Variants in USP34 observed in about 807,000 individuals in gnomAD.
USP34 encodes the protein ubiquitin specific peptidase 34, also known as ubiquitin carboxyl-terminal hydrolase 34.
In USP34, 70 loss-of-function variants were observed where a neutral mutation model predicts 460.3. That is an observed-to-expected ratio of 0.15 (90% CI 0.13 to 0.19). The LOEUF (loss-of-function observed/expected upper bound fraction) is 0.19, where lower values mean the gene tolerates loss of function less well. USP34 is among the 10% of genes least tolerant of loss of function. USP34 has a pLI of 1.00. For missense variants in USP34, 3,985 were observed against 4,236.2 expected (o/e 0.94, Z 1.65); for synonymous variants, 1,647 against 1,405.3 (o/e 1.17, Z -3.85).
intron 65 of USP34, among the ~76,000 whole-genome samples, chr2:61,222,196 G>A (rs1687606919): frequency 6.6e-6 from 1 of 152,188 alleles, no homozygotes; most frequent in South Asian, 2.1e-4. Flanking sequence ...GTAATTTATA[G>A]TAATGTTTGA....
intron 1 of USP34, among the ~76,000 whole-genome samples, chr2:61,430,321 T>C (rs1233260910): frequency 1.3e-5 from 2 of 151,772 alleles, no homozygotes; most frequent in Admixed American, 1.3e-4. Context: ...GGAGAATCAC[T>C]TGAACCCAGG....
chr2:61,256,189 A>C (rs763846053), intron 48 of USP34, among the ~76,000 whole-genome samples, 195 bp downstream of exon 48: 4 of 152,216 alleles, frequency 2.6e-5, no homozygotes, highest in Non-Finnish European at 5.9e-5. Context: ...CCACTTTCAT[A>C]CAGCTCAGTA....
At position 61,311,768 on chromosome 2, in the gene USP34, A is replaced by C. The variant is rs1433346295; in HGVS notation, c.3669+16T>G. On this transcript the variant is annotated intron_variant, in intron 26 of 79. Transcript: ENST00000398571. ...GGGAAATGTTATCAACTTCGAAATT[A>C]AAACTATGTAAGTACCTTGTCAGGA... The C allele has an allele frequency of 6.2e-7, 1 of 1,611,058 alleles. No individual in the cohort carries two copies. The highest frequency in any genetic ancestry group is 8.5e-7 in the Non-Finnish European group (1 of 1,179,152).
At chr2:61,380,697 C>T (rs1189357224) in intron 6 of USP34, among the ~76,000 whole-genome samples, 1 of 152,166 alleles carries the variant, frequency 6.6e-6, no homozygotes, top group Non-Finnish European at 1.5e-5. Flanking sequence ...TGGGCCTTGC[C>T]ATGTAACTTG....
intron 61 of USP34, 93 bp from the exon 62 acceptor site, chr2:61,227,311 G>A: frequency 1.4e-6 from 2 of 1,399,990 alleles, no homozygotes; most frequent in Non-Finnish European, 1.9e-6. Flanking sequence ...TGTAGATGGT[G>A]GCAGGAGCTT....
chr2:61,228,565 T>C, intron 61 of USP34, 80 bp downstream of exon 61: 1 of 1,318,312 alleles, frequency 7.6e-7, no homozygotes, highest in Non-Finnish European at 1.1e-6. Flanking sequence ...TAAAGGGTTC[T>C]AACATCTCAG....
rs746117870 is a variant in USP34, at chr2:61,420,821, T to C, written c.56A>G (p.Glu19Gly). The change falls in exon 2 of 80, where the codon GAA (glutamate) becomes GGA (glycine). Residue 19 changes from glutamate (E) to glycine (G), a missense_variant. Coordinates refer to ENST00000398571, the MANE Select transcript of USP34 (RefSeq NM_014709.4). ...VEVLNEISDV[E>G]GGDGLQLRKE... ...TCTGAGCTGCAGTCCATCACCACCT[T>C]CTACATCTGATACTGAAATAAAAAA... is the stretch of plus-strand genomic sequence containing the variant. 76 of 1,607,884 alleles carry C rather than the reference T, an allele frequency of 4.7e-5. No individual in the cohort carries two copies. Among genetic ancestry groups the C allele is most frequent in the Non-Finnish European group, 5.4e-5 (64 of 1,177,354 alleles).
Position 61,405,650 on chromosome 2 carries a change from C to G in USP34, c.552+58G>C. The G allele has an allele frequency of 2.8e-6, 4 of 1,417,630 alleles. No individual in the cohort carries two copies. In the African/African-American group the frequency reaches 4.3e-5, roughly 15 times the overall value. The allele number at this position is 1,417,630 out of a possible 1,614,324, so 87.8% of individuals were successfully genotyped here. A position where few individuals can be genotyped will look rare whatever the true frequency, so the allele number is the denominator to read the frequency against. ...TGTCTTCATATTTATCAGTAAGAAACAGACTGCGAAGTTAAGACTTGGTAT... is the reference window on the plus strand; with the variant it reads ...TGTCTTCATATTTATCAGTAAGAAAGAGACTGCGAAGTTAAGACTTGGTAT... On this transcript the variant is annotated intron_variant, in intron 3 of 79. Transcript: ENST00000398571.
chr2:61,390,975 G>T (rs751570607), intron 5 of USP34, among the ~76,000 whole-genome samples: 1 of 151,900 alleles, frequency 6.6e-6, no homozygotes, highest in Non-Finnish European at 1.5e-5. Context: ...CGTGCCTGTA[G>T]TCCCAGCTAC....
At chr2:61,248,428 TTGA>T in intron 49 of USP34, 80 bp downstream of exon 49, 1 of 1,401,368 alleles carries the variant, frequency 7.1e-7, no homozygotes, top group Non-Finnish European at 9.6e-7. Flanking sequence ...AACTGTGTAG[TTGA>T]TGACAACTTT....
At chr2:61,307,298 C>T (rs1690441317) in intron 27 of USP34, among the ~76,000 whole-genome samples, 1 of 129,108 alleles carries the variant, frequency 7.7e-6, no homozygotes, top group Non-Finnish European at 1.5e-5. Flanking sequence ...GGGAACATCA[C>T]ACACCGGGGC....
chr2:61,401,506 G>C (rs1693717474), intron 3 of USP34, among the ~76,000 whole-genome samples: 1 of 149,762 alleles, frequency 6.7e-6, no homozygotes, highest in Admixed American at 6.7e-5. Context: ...CAAAAATGCT[G>C]GGATTACAGG....
At chr2:61,282,328 G>A (rs893121927) in intron 37 of USP34, among the ~76,000 whole-genome samples, 1 of 152,158 alleles carries the variant, frequency 6.6e-6, no homozygotes, top group Non-Finnish European at 1.5e-5. Flanking sequence ...AGTGACTTTG[G>A]AGCTAAATAT....
chr2:61,266,172 G>A lies in USP34; in HGVS notation c.5434-5C>T. 1.2e-6 allele frequency: 2 copies of A among 1,601,214 alleles called. No homozygotes were observed. Among genetic ancestry groups the A allele is most frequent in the South Asian group, 1.1e-5 (1 of 90,104 alleles). ...GAAGATATCTCTCAAAAATTCCTGG[G>A]GAGTAAAAGGAAACATGTTATCTAA... On this transcript the variant is annotated splice_polypyrimidine_tract_variant and splice_region_variant and intron_variant, in intron 41 of 79. Transcript: ENST00000398571.
At chr2:61,410,347 C>A (rs1011057848) in intron 2 of USP34, among the ~76,000 whole-genome samples, 8 of 152,168 alleles carry the variant, frequency 5.3e-5, no homozygotes, top group Non-Finnish European at 1.0e-4. Flanking sequence ...CAACATGATT[C>A]ATGCTCCTGT....
intron 19 of USP34, among the ~76,000 whole-genome samples, chr2:61,333,268 T>C (rs576630890): frequency 1.5e-3 from 234 of 152,182 alleles, no homozygotes; most frequent in Non-Finnish European, 2.8e-3. Flanking sequence ...TGAATATCCC[T>C]TATCCAAAAT....
intron 27 of USP34, among the ~76,000 whole-genome samples, chr2:61,307,628 A>C (rs1374127284): frequency 6.6e-6 from 1 of 152,184 alleles, no homozygotes; most frequent in African/African-American, 2.4e-5. Flanking sequence ...CAGTGAAAAT[A>C]TCCATCAACA....
At position 61,266,143 on chromosome 2, in the gene USP34, G is replaced by A; in HGVS notation, c.5458C>T (p.Leu1820Phe). 6.2e-7 allele frequency: 1 copy of A among 1,611,344 alleles called. No homozygotes were observed. The part of the protein sequence containing the change: ...GQEFLRDIFN[L>F]LFLLPSLKDR... Reference sequence around the variant, plus strand: ...TTTAGACTTGGCAACAAAAACAGGAGATTGAAGATATCTCTCAAAAATTCC... The same window carrying A: ...TTTAGACTTGGCAACAAAAACAGGAAATTGAAGATATCTCTCAAAAATTCC... Residue 1820 changes from leucine to phenylalanine, a missense_variant, in exon 42 of 80, where the codon CTC (leucine) becomes TTC (phenylalanine). Physicochemically the swap from Leu to Phe is conservative, Grantham distance 22. Coordinates refer to ENST00000398571, the MANE Select transcript of USP34 (RefSeq NM_014709.4).
At chr2:61,288,591 G>A (rs1689759145) in intron 34 of USP34, 86 bp downstream of exon 34, 1 of 1,388,528 alleles carries the variant, frequency 7.2e-7, no homozygotes, top group African/African-American at 1.4e-5. Context: ...CAGTAATCTA[G>A]AATACATTTC....
Sources: gnomAD v4.1 joint callset for allele counts (sites outside exome capture counted in the v4.1 genomes callset) on GRCh38, gnomAD v4.1.1 for gene constraint, MANE v1.5 for transcripts, NCBI Gene and HGNC (gene_info 2026-07-23, HGNC 2026-07-21) for gene names.